BABAM2: variants seen among roughly 807,000 people sequenced by gnomAD.
BABAM2 encodes BRISC and BRCA1-A complex member 2.
In BABAM2, 31 loss-of-function variants were observed where a neutral mutation model predicts 54.7. The ratio of observed to expected loss-of-function variants is 0.57; its 90% CI spans 0.43 to 0.77. The LOEUF (loss-of-function observed/expected upper bound fraction) is 0.77. Among genes scored for constraint, BABAM2 ranks in the 30% least tolerant of loss-of-function variants. BABAM2 has a pLI of 0.00. For missense variants in BABAM2, 364 were observed against 455.8 expected (o/e 0.80, Z 1.83); for synonymous variants, 167 against 162.9 (o/e 1.03, Z -0.19).
At chr2:27,926,832 G>A (rs1233912602) in intron 2 of BABAM2, among the ~76,000 whole-genome samples, 1 of 151,824 alleles carries the variant, frequency 6.6e-6, no homozygotes, top group African/African-American at 2.4e-5. Context: ...CATAGGAATT[G>A]TACATATTTA....
At chr2:27,978,114 A>C (rs1384212051) in intron 3 of BABAM2, among the ~76,000 whole-genome samples, 1 of 152,106 alleles carries the variant, frequency 6.6e-6, no homozygotes, top group Non-Finnish European at 1.5e-5. Context: ...AGGTGAGCCT[A>C]GTGGGAAGTG....
chr2:28,116,510 G>T (rs1668629170), intron 6 of BABAM2, among the ~76,000 whole-genome samples: 1 of 152,224 alleles, frequency 6.6e-6, no homozygotes, highest in Non-Finnish European at 1.5e-5. Context: ...GACAGTCTGA[G>T]CCAAGTGACC....
At chr2:27,943,381 G>A (rs1341003281) in intron 3 of BABAM2, among the ~76,000 whole-genome samples, 3 of 152,176 alleles carry the variant, frequency 2.0e-5, no homozygotes, top group Admixed American at 2.0e-4. Flanking sequence ...AAGCTGCTCT[G>A]CAAGACTGAT....
intron 10 of BABAM2, among the ~76,000 whole-genome samples, chr2:28,294,121 C>A (rs1200894344): frequency 6.6e-6 from 1 of 152,184 alleles, no homozygotes; most frequent in East Asian, 1.9e-4. Context: ...TGGCTCATGC[C>A]TGTAATCCCA....
chr2:28,243,003 T>C (rs191061159), intron 9 of BABAM2, among the ~76,000 whole-genome samples: 2 of 152,288 alleles, frequency 1.3e-5, no homozygotes, highest in East Asian at 3.9e-4. Context: ...CTCCAAAATG[T>C]AGTACACACA....
intron 7 of BABAM2, among the ~76,000 whole-genome samples, chr2:28,228,607 T>C (rs1283715128): frequency 6.6e-6 from 1 of 152,116 alleles, no homozygotes; most frequent in Non-Finnish European, 1.5e-5. Context: ...TTAAAGAAAC[T>C]GTAATGCAAT....
At chr2:28,153,011 T>A (rs747139768) in intron 7 of BABAM2, among the ~76,000 whole-genome samples, 13 of 152,256 alleles carry the variant, frequency 8.5e-5, no homozygotes, top group Non-Finnish European at 1.6e-4. Context: ...TATCCCTATT[T>A]GTCTTTGTAA....
intron 11 of BABAM2, among the ~76,000 whole-genome samples, chr2:28,319,754 G>A (rs1432887581): frequency 6.6e-6 from 1 of 152,246 alleles, no homozygotes; most frequent in Non-Finnish European, 1.5e-5. Flanking sequence ...ATGCAGGAGA[G>A]CCCAAGCCTT....
chr2:27,900,615 A>G (rs1038034935), intron 2 of BABAM2, among the ~76,000 whole-genome samples: 2 of 152,092 alleles, frequency 1.3e-5, no homozygotes, highest in African/African-American at 2.4e-5. Context: ...TCCTTGAGAA[A>G]CTACTTGTTT....
At chr2:28,238,130 G>A (rs915888563) in intron 8 of BABAM2, among the ~76,000 whole-genome samples, 4 of 152,152 alleles carry the variant, frequency 2.6e-5, no homozygotes, top group Non-Finnish European at 4.4e-5. Flanking sequence ...GATTACAGGC[G>A]TGAGCCACCG....
chr2:28,200,881 G>T (rs1019192105), intron 7 of BABAM2, among the ~76,000 whole-genome samples: 6 of 152,128 alleles, frequency 3.9e-5, no homozygotes, highest in Non-Finnish European at 8.8e-5. Flanking sequence ...CGATTCTCCT[G>T]CCTCACCCTC....
chr2:28,073,611 C>G (rs1318469300), intron 6 of BABAM2, among the ~76,000 whole-genome samples: 1 of 151,832 alleles, frequency 6.6e-6, no homozygotes, highest in South Asian at 2.1e-4. Flanking sequence ...GAAATTCTAC[C>G]CCCTAGAAAT....
At chr2:27,924,210 G>C (rs1326705940) in intron 2 of BABAM2, among the ~76,000 whole-genome samples, 1 of 152,018 alleles carries the variant, frequency 6.6e-6, no homozygotes, top group Non-Finnish European at 1.5e-5. Context: ...TATGACATTG[G>C]AAAGATCACT....
chr2:28,009,141 C>T (rs1674199070), intron 4 of BABAM2, among the ~76,000 whole-genome samples: 1 of 152,108 alleles, frequency 6.6e-6, no homozygotes, highest in Non-Finnish European at 1.5e-5. Flanking sequence ...TGGGTTTTGC[C>T]TGCTATGTGG....
At chr2:28,105,728 C>T (rs1667466107) in intron 6 of BABAM2, among the ~76,000 whole-genome samples, 1 of 152,178 alleles carries the variant, frequency 6.6e-6, no homozygotes, top group Non-Finnish European at 1.5e-5. Flanking sequence ...TTAGGTTTGA[C>T]TACTTTGGGC....
chr2:28,328,514 T>C (rs1032610538), intron 11 of BABAM2, among the ~76,000 whole-genome samples: 1 of 152,190 alleles, frequency 6.6e-6, no homozygotes, highest in African/African-American at 2.4e-5. Flanking sequence ...CACATTGGCC[T>C]GACTCTAGCA....
intron 6 of BABAM2, among the ~76,000 whole-genome samples, chr2:28,066,263 C>G (rs181484700): frequency 6.6e-6 from 1 of 151,804 alleles, no homozygotes. Context: ...TCTATGCTGA[C>G]GTATATATGT....
At chr2:28,038,752 T>C (rs1558678227) in intron 5 of BABAM2, among the ~76,000 whole-genome samples, 1 of 152,216 alleles carries the variant, frequency 6.6e-6, no homozygotes, top group Non-Finnish European at 1.5e-5. Flanking sequence ...CTATGGTGTA[T>C]ATGTACCACA....
At chr2:28,211,159 G>C (rs895266205) in intron 7 of BABAM2, among the ~76,000 whole-genome samples, 11 of 152,176 alleles carry the variant, frequency 7.2e-5, no homozygotes, top group Middle Eastern at 3.4e-3. Flanking sequence ...TTTCGCATTG[G>C]TTCCCAAAAA....
Sources: allele counts gnomAD v4.1 joint callset (sites outside exome capture counted in the v4.1 genomes callset), GRCh38; gene constraint gnomAD v4.1.1; transcripts MANE v1.5; gene names NCBI Gene and HGNC (gene_info 2026-07-23, HGNC 2026-07-21).